The following MYO9B variants were observed in gnomAD, a reference collection of about 807,000 sequenced individuals.
MYO9B encodes the protein unconventional myosin-IXb.
A neutral mutation model predicts 229.5 loss-of-function variants in MYO9B; 71 were observed. The observed-to-expected ratio is 0.31, with a 90% CI of 0.26 to 0.38. The LOEUF is 0.38. Among genes scored for constraint, MYO9B ranks in the 10% least tolerant of loss-of-function variants. The probability of loss-of-function intolerance (pLI) is 1.00; values close to 1 mark genes in which losing one functional copy is unlikely to be tolerated. For synonymous variants in MYO9B, 1,185 were observed against 1,235.8 expected, an observed-to-expected ratio of 0.96 and a Z score of 0.86; for missense variants, 2,255 against 2,920.5, an observed-to-expected ratio of 0.77 and a Z score of 5.25.
chr19:17,203,001 A>G (rs1342278232), intron 29 of MYO9B, 118 bp downstream of exon 29: 1 of 1,401,670 alleles, frequency 7.1e-7, no homozygotes, highest in African/African-American at 1.4e-5. Flanking sequence ...GTGCGTGGAC[A>G]CGTGTGAGTG....
At chr19:17,163,763 G>A (rs1455818991) in intron 10 of MYO9B, among the ~76,000 whole-genome samples, 1 of 152,166 alleles carries the variant, frequency 6.6e-6, no homozygotes, top group Non-Finnish European at 1.5e-5. Flanking sequence ...ATTTCGCATA[G>A]TATAAAGTCC....
chr19:17,144,610 AAG>A (rs1430615261), intron 2 of MYO9B, among the ~76,000 whole-genome samples: 4 of 151,980 alleles, frequency 2.6e-5, no homozygotes, highest in Admixed American at 1.3e-4. Context: ...CAAAAAAAAA[AAG>A]AGTGAAAGAA....
intron 35 of MYO9B, among the ~76,000 whole-genome samples, chr19:17,208,737 G>A (rs1042538160): frequency 6.6e-6 from 1 of 152,210 alleles, no homozygotes; most frequent in African/African-American, 2.4e-5. Flanking sequence ...ATAGGTGAAT[G>A]GTAGTGGATT....
At chr19:17,184,545 T>A (rs1166195453) in intron 16 of MYO9B, 1 of 297,828 alleles carries the variant, frequency 3.4e-6, no homozygotes, top group African/African-American at 2.1e-5. Context: ...GTAGGAGCTA[T>A]GCAGAGGAGA....
rs1397682200 is a variant in MYO9B at position 17,159,475 on chromosome 19, C to T, written c.1410C>T (p.Ser470=). The T allele has an allele frequency of 1.2e-6, 2 of 1,607,974 alleles. No individual in the cohort carries two copies. Among genetic ancestry groups the T allele is most frequent in the Non-Finnish European group, 1.7e-6 (2 of 1,177,340 alleles). Reference sequence around the variant, plus strand: ...ACGACAAGCTTATCCTTCCCTACAGCCTCAGCGAGGTGAGCTCTGCCCAGG... The same window carrying T: ...ACGACAAGCTTATCCTTCCCTACAGTCTCAGCGAGGTGAGCTCTGCCCAGG... The part of the protein sequence containing the change: ...TVNDKLILPY[S]LSEAITARDS... The change falls in exon 8 of 40, where the codon AGC becomes AGT. Residue 470 remains serine (S), a synonymous_variant. Transcript: ENST00000682292.
chr19:17,212,400 G>A lies in MYO9B; in HGVS notation c.*90G>A. ...CTGCAGAGCTAGTGTTCGGCCCTCA[G>A]AGAAGGATCCAGAATCAAAAGCTCA... On this transcript the variant is annotated 3_prime_UTR_variant, in exon 40 of 40. Coordinates refer to ENST00000682292, the MANE Select transcript of MYO9B (RefSeq NM_004145.4). The surrounding 1 kb of genome is among the most constrained non-coding windows in gnomAD (Gnocchi z 5.4). The A allele has an allele frequency of 1.5e-6, 2 of 1,357,290 alleles. No homozygotes were observed. Among genetic ancestry groups the A allele is most frequent in the Non-Finnish European group, 1.9e-6 (2 of 1,039,556 alleles). 84.1% of individuals were successfully genotyped at this position (1,357,290 alleles called of 1,614,324 possible).
intron 22 of MYO9B, among the ~76,000 whole-genome samples, chr19:17,197,105 G>A (rs558299303): frequency 2.6e-5 from 4 of 152,014 alleles, no homozygotes; most frequent in Middle Eastern, 3.4e-3. Flanking sequence ...GCGAAACCCC[G>A]TCTCTACTAA....
intron 1 of MYO9B, among the ~76,000 whole-genome samples, chr19:17,082,882 C>G (rs144207355): frequency 6.6e-6 from 1 of 152,006 alleles, no homozygotes; most frequent in Non-Finnish European, 1.5e-5. Context: ...TGGCCTGAAC[C>G]GGGGCAGGTA....
rs571957477 is a variant in MYO9B at position 17,165,188 on chromosome 19, A to T, written c.1671+2066A>T. On this transcript the variant is annotated intron_variant, in intron 10 of 39. Coordinates refer to ENST00000682292, the MANE Select transcript of MYO9B (RefSeq NM_004145.4). ...TCACATTTTAGATACACAGGGTTAA[A>T]TTAAGTGTATTATTAAAGTTAATTT... Among the ~76,000 whole-genome samples, 12 of 152,088 alleles carry T rather than the reference A, an allele frequency of 7.9e-5. No homozygotes were observed. The South Asian group carries it at 2.5e-3, about 32-fold the overall frequency.
chr19:17,184,771 G>A (rs550598131), intron 16 of MYO9B, 94 bp from the exon 17 acceptor site: 248 of 1,542,030 alleles, frequency 1.6e-4, no homozygotes, highest in South Asian at 2.0e-4. Context: ...CTGCGGGGAC[G>A]CTGTTCTGCC....
At chr19:17,152,386 G>A (rs993719836) in intron 3 of MYO9B, among the ~76,000 whole-genome samples, 10 of 151,934 alleles carry the variant, frequency 6.6e-5, no homozygotes, top group African/African-American at 2.4e-5. Flanking sequence ...GCAAAACCCC[G>A]CCTCTACTAA....
chr19:17,162,949 G>A (rs756903704), intron 9 of MYO9B, 39 bp from the exon 10 acceptor site: 1 of 1,593,468 alleles, frequency 6.3e-7, no homozygotes, highest in Admixed American at 1.8e-5. Context: ...CCCTCGGGGT[G>A]CACCTGCGGG....
chr19:17,153,695 C>CAA (rs60449061), intron 4 of MYO9B, among the ~76,000 whole-genome samples: 5 of 120,694 alleles, frequency 4.1e-5, no homozygotes, highest in East Asian at 2.2e-4. Flanking sequence ...GACCGTATCT[C>CAA]AAAAAAAAAA....
rs955277602 is a variant in MYO9B, at chr19:17,143,281, C to T, written c.841-2116C>T. Among the ~76,000 whole-genome samples, 3 of 151,862 alleles carry T rather than the reference C, an allele frequency of 2.0e-5. No homozygotes were observed. In the East Asian group the frequency reaches 5.8e-4, roughly 29 times the overall value. ...CTTGAGCACCACACACAACCTCAGA[C>T]ACAGAGATAAAGAGTGAAATGTTGG... On this transcript the variant is annotated intron_variant, in intron 2 of 39. Coordinates refer to ENST00000682292, the MANE Select transcript of MYO9B (RefSeq NM_004145.4).
At chr19:17,191,262 GCCTT>G (rs2072982265) in intron 20 of MYO9B, 43 bp downstream of exon 20, 1 of 1,586,910 alleles carries the variant, frequency 6.3e-7, no homozygotes, top group African/African-American at 1.4e-5. Context: ...CCCACACCCT[GCCTT>G]CCACCGCACA....
chr19:17,141,098 T>G, intron 2 of MYO9B, among the ~76,000 whole-genome samples: 1 of 133,134 alleles, frequency 7.5e-6, no homozygotes. Context: ...AGCAAGACCC[T>G]GTCTCAGAAA....
chr19:17,140,669 G>T (rs1272955497), intron 2 of MYO9B, among the ~76,000 whole-genome samples: 3 of 151,476 alleles, frequency 2.0e-5, no homozygotes, highest in Non-Finnish European at 4.4e-5. Context: ...TGTATTTTTA[G>T]TAGAGACAGG....
At chr19:17,137,247 A>G (rs1169609834) in intron 2 of MYO9B, among the ~76,000 whole-genome samples, 4 of 147,890 alleles carry the variant, frequency 2.7e-5, no homozygotes, top group South Asian at 2.1e-4. Flanking sequence ...AAAAAAAGCC[A>G]GGTGCGGTGA....
At chr19:17,147,014 C>G (rs901515927) in intron 3 of MYO9B, among the ~76,000 whole-genome samples, 2 of 152,224 alleles carry the variant, frequency 1.3e-5, no homozygotes, top group South Asian at 2.1e-4. Flanking sequence ...TGCCCAGGCT[C>G]CAGTAGGCAG....
Sources: gnomAD v4.1 joint callset for allele counts (sites outside exome capture counted in the v4.1 genomes callset) on GRCh38, gnomAD v4.1.1 for gene constraint, Gnocchi (gnomAD v3.1) non-coding constraint, MANE v1.5 for transcripts, NCBI Gene and HGNC (gene_info 2026-07-23, HGNC 2026-07-21) for gene names.